The following CAMK2A variants were observed in gnomAD, a reference collection of about 807,000 sequenced individuals.
The protein encoded by CAMK2A is calcium/calmodulin dependent protein kinase II alpha.
In CAMK2A, 7 loss-of-function variants were observed where a neutral mutation model predicts 79.2. That is an observed-to-expected ratio of 0.09 (90% CI 0.05 to 0.17). CAMK2A has a LOEUF of 0.17. Ranked by LOEUF, CAMK2A falls within the 10% of genes least tolerant of loss-of-function variation. CAMK2A has a pLI of 1.00. For missense variants in CAMK2A, 214 were observed against 646.4 expected (o/e 0.33, Z 7.25); for synonymous variants, 242 against 251.7 (o/e 0.96, Z 0.36).
rs759852005 is a variant in CAMK2A, at chr5:150,223,006, C to A, written c.1449G>T (p.Ala483=). 1 of 1,613,934 alleles carries A rather than the reference C, an allele frequency of 6.2e-7. No homozygotes were observed. The highest frequency in any genetic ancestry group is 8.5e-7 in the Non-Finnish European group (1 of 1,179,784). The change falls in exon 18 of 19, where the codon GCG becomes GCT. Residue 483 remains alanine (A), a synonymous_variant. Transcript: ENST00000671881. This position sits in a 1 kb window ranked among gnomAD's most constrained non-coding sequence, Gnocchi z 4.1. ...ATTCTTACTGGGGCAGGACGGAGGGCGCCCCAGATCTGTGGAAGTGGACGA... is the reference window on the plus strand; with the variant it reads ...ATTCTTACTGGGGCAGGACGGAGGGAGCCCCAGATCTGTGGAAGTGGACGA... ...WQIVHFHRSG[A]PSVLPH is the part of the protein sequence containing the mutation.
chr5:150,224,107 G>A (rs1425321793), intron 17 of CAMK2A, among the ~76,000 whole-genome samples: 1 of 152,190 alleles, frequency 6.6e-6, no homozygotes, highest in African/African-American at 2.4e-5. Flanking sequence ...TGATGGGGCT[G>A]ACAAAGTCCC....
rs568968182 is a variant in CAMK2A, at chr5:150,265,588, C to T, written c.158-573G>A. On this transcript the variant is annotated intron_variant, in intron 2 of 18. Coordinates refer to ENST00000671881, the MANE Select transcript of CAMK2A (RefSeq NM_015981.4). The stretch of plus-strand genomic sequence containing the variant: ...TCTAGTTCCTTGAGGGCAGGGACTT[C>T]GTCTCTGTTGTACCCCTGACATCTA... Among the ~76,000 whole-genome samples the T allele has an allele frequency of 1.1e-4, 17 of 152,220 alleles. No individual in the cohort carries two copies. The South Asian group carries it at 3.1e-3, about 28-fold the overall frequency.
At chr5:150,250,857 C>T (rs776331912) in intron 9 of CAMK2A, 47 bp from the exon 10 acceptor site, 2 of 1,599,360 alleles carry the variant, frequency 1.3e-6, no homozygotes, top group Non-Finnish European at 8.6e-7. Context: ...CCCCAGGCCA[C>T]CCCTGCGATC....
Position 150,253,464 on chromosome 5 carries a change from C to T in CAMK2A, c.494G>A (p.Gly165Glu). ...CTTACCAAACCATGCCTGCTGCTCC[C>T]CCTCCACCTCTATGGCCAGGCCAAA... The part of the protein sequence containing the change: ...ADFGLAIEVE[G>E]EQQAWFGFAG... Residue 165 changes from glycine (G) to glutamate (E), a missense_variant, in exon 7 of 19, where the codon GGG becomes GAG. Physicochemically the swap from Gly to Glu is moderately conservative, Grantham distance 98 (BLOSUM62 -2). Around this residue, in one of 4 missense-constraint regions of CAMK2A, gnomAD observed 72 missense variants for 333.9 expected, o/e 0.22. Transcript: ENST00000671881. The T allele has an allele frequency of 6.2e-7, 1 of 1,614,184 alleles. No homozygotes were observed. Among genetic ancestry groups the T allele is most frequent in the East Asian group, 2.2e-5 (1 of 44,890 alleles).
chr5:150,234,747 G>T (rs780148182), intron 15 of CAMK2A, among the ~76,000 whole-genome samples: 6 of 152,186 alleles, frequency 3.9e-5, no homozygotes, highest in Non-Finnish European at 8.8e-5. Context: ...CTGATATGAG[G>T]GGGTGTAGCT....
In CAMK2A at chr5:150,220,041, G is replaced by T. The variant is rs1467194123; in HGVS notation, c.*2669C>A. 1 of 152,700 alleles carries T rather than the reference G, an allele frequency of 6.5e-6. No homozygotes were observed. Among genetic ancestry groups the T allele is most frequent in the Non-Finnish European group, 1.5e-5 (1 of 68,046 alleles). The allele number at this position is 152,700 out of a possible 1,614,324, so 9.5% of individuals were successfully genotyped here. On this transcript the variant is annotated 3_prime_UTR_variant, in exon 19 of 19. Transcript: ENST00000671881. ...GCACCAGGTGGCTGCCCACCCACAG[G>T]CGTGGCCTTCACAGTGGGGGCCATC... is the stretch of plus-strand genomic sequence containing the variant.
intron 17 of CAMK2A, among the ~76,000 whole-genome samples, chr5:150,224,373 C>T (rs759603270): frequency 1.9e-4 from 29 of 152,080 alleles, no homozygotes; most frequent in Non-Finnish European, 4.0e-4. Flanking sequence ...TTAGAGAGCC[C>T]AGTTCAAGAA....
intron 1 of CAMK2A, among the ~76,000 whole-genome samples, chr5:150,274,208 T>C (rs1233913539): frequency 6.6e-6 from 1 of 152,222 alleles, no homozygotes; most frequent in Non-Finnish European, 1.5e-5. Flanking sequence ...GTTAAGAGGC[T>C]CTTGGGATTT....
chr5:150,219,566 CCG>C lies in CAMK2A; in HGVS notation c.*3142_*3143del, dbSNP rs138156987. ...CAAACGCCCCTTCTTCCCATCCCAC[CCG>C]CCCCCCCCAATAGCAGAAAGTTTGA... On this transcript the variant is annotated 3_prime_UTR_variant, in exon 19 of 19. Coordinates refer to ENST00000671881, the MANE Select transcript of CAMK2A (RefSeq NM_015981.4). 45,488 of 106,112 alleles carry C rather than the reference CCG, an allele frequency of 0.43. 10,256 individuals are homozygous for C. The highest frequency in any genetic ancestry group is 0.56 in the East Asian group (1,561 of 2,772). The allele number at this position is 106,112 out of a possible 1,614,324, so 6.6% of individuals were successfully genotyped here.
Position 150,221,325 on chromosome 5 carries a change from C to T in CAMK2A, c.*1385G>A, listed in dbSNP as rs1754297110. On this transcript the variant is annotated 3_prime_UTR_variant, in exon 19 of 19. Transcript: ENST00000671881. Reference sequence around the variant, plus strand: ...GGAAAAGAAAGAGAGAATGCGAACCCGAGGCTGCAGGATGAGGCATGAAGA... The same window carrying T: ...GGAAAAGAAAGAGAGAATGCGAACCTGAGGCTGCAGGATGAGGCATGAAGA... 2.5e-6 allele frequency: 1 copy of T among 397,792 alleles called. No homozygotes were observed. Among genetic ancestry groups the T allele is most frequent in the East Asian group, 3.5e-5 (1 of 28,182 alleles). 24.6% of individuals were successfully genotyped at this position (397,792 alleles called of 1,614,324 possible). A position where few individuals can be genotyped will look rare whatever the true frequency, so the allele number is the denominator to read the frequency against.
rs1754250826 is a variant in CAMK2A at position 150,220,414 on chromosome 5, A to C, written c.*2296T>G. 1 of 152,350 alleles carries C rather than the reference A, an allele frequency of 6.6e-6. No homozygotes were observed. The allele number at this position is 152,350 out of a possible 1,614,324, so 9.4% of individuals were successfully genotyped here. On this transcript the variant is annotated 3_prime_UTR_variant, in exon 19 of 19. Coordinates refer to ENST00000671881, the MANE Select transcript of CAMK2A (RefSeq NM_015981.4). ...GTAAACAGGAGTCCAGCCAGTGACT[A>C]TCCCTGCCAGTTCCTGCAGGTAAAT... is the stretch of plus-strand genomic sequence containing the variant.
At position 150,257,709 on chromosome 5, in the gene CAMK2A, C is replaced by T. The variant is rs757551617; in HGVS notation, c.218-92G>A. 479 of 1,001,812 alleles carry T rather than the reference C, an allele frequency of 4.8e-4. 1 individual carries two copies. Among genetic ancestry groups the T allele is most frequent in the Non-Finnish European group, 5.7e-4 (367 of 648,738 alleles). The allele number at this position is 1,001,812 out of a possible 1,614,324, so 62.1% of individuals were successfully genotyped here. A position where few individuals can be genotyped will look rare whatever the true frequency, so the allele number is the denominator to read the frequency against. ...TCCCCTCCCGTGTATATCCAACACCCCCCGCTCCCAGACAGTCACTGAGTA... is the reference window on the plus strand; with the variant it reads ...TCCCCTCCCGTGTATATCCAACACCTCCCGCTCCCAGACAGTCACTGAGTA... On this transcript the variant is annotated intron_variant, in intron 3 of 18. Coordinates refer to ENST00000671881, the MANE Select transcript of CAMK2A (RefSeq NM_015981.4).
chr5:150,222,681 C>T lies in CAMK2A; in HGVS notation c.*29G>A, dbSNP rs369901307. On this transcript the variant is annotated 3_prime_UTR_variant, in exon 19 of 19. Transcript: ENST00000671881. Reference sequence around the variant, plus strand: ...ACGGACAGAGTGGATCTCTGCGGCACAGCAACGCAGCGACCCCAGCCTGGT... The same window carrying T: ...ACGGACAGAGTGGATCTCTGCGGCATAGCAACGCAGCGACCCCAGCCTGGT... The T allele has an allele frequency of 8.1e-6, 13 of 1,613,500 alleles. No homozygotes were observed. Among genetic ancestry groups the T allele is most frequent in the Middle Eastern group, 1.6e-4 (1 of 6,084 alleles).
At chr5:150,234,914 A>C (rs1416772682) in intron 15 of CAMK2A, among the ~76,000 whole-genome samples, 1 of 152,148 alleles carries the variant, frequency 6.6e-6, no homozygotes, top group African/African-American at 2.4e-5. Context: ...TGGGGCCCCG[A>C]AGTGAACACC....
At chr5:150,241,945 G>A (rs1755363214) in intron 13 of CAMK2A, among the ~76,000 whole-genome samples, 1 of 152,158 alleles carries the variant, frequency 6.6e-6, no homozygotes, top group Non-Finnish European at 1.5e-5. Flanking sequence ...AACCCGAGGA[G>A]CCGCGCAGGG....
intron 17 of CAMK2A, among the ~76,000 whole-genome samples, chr5:150,224,371 C>A (rs1225234026): frequency 6.6e-6 from 1 of 152,068 alleles, no homozygotes; most frequent in Non-Finnish European, 1.5e-5. Context: ...CCTTAGAGAG[C>A]CCAGTTCAAG....
chr5:150,234,504 C>A (rs78415173), intron 15 of CAMK2A, among the ~76,000 whole-genome samples: 4,375 of 152,224 alleles, frequency 0.029, 205 homozygotes, highest in African/African-American at 0.1. Context: ...AAGAATATGT[C>A]AATAGAAATA....
intron 3 of CAMK2A, among the ~76,000 whole-genome samples, chr5:150,260,490 T>G (rs1266851871): frequency 6.6e-6 from 1 of 150,840 alleles, no homozygotes; most frequent in African/African-American, 2.4e-5. Flanking sequence ...TAAATGGGTA[T>G]TTAACTGTAT....
chr5:150,264,864 C>T, intron 3 of CAMK2A, 92 bp downstream of exon 3: 1 of 922,254 alleles, frequency 1.1e-6, no homozygotes, highest in Non-Finnish European at 1.8e-6. Flanking sequence ...AGAGCAGCTG[C>T]TCTCCACCCA....
Sources: gnomAD v4.1 joint callset for allele counts (sites outside exome capture counted in the v4.1 genomes callset) on GRCh38, gnomAD v4.1.1 for gene constraint, gnomAD v4.1.1 regional missense constraint, Gnocchi (gnomAD v3.1) non-coding constraint, MANE v1.5 for transcripts, NCBI Gene and HGNC (gene_info 2026-07-23, HGNC 2026-07-21) for gene names.